Variants in KMT2C observed in about 807,000 individuals in gnomAD.
KMT2C encodes histone-lysine N-methyltransferase 2C.
A neutral mutation model predicts 507.9 loss-of-function variants in KMT2C; 88 were observed. That is an observed-to-expected ratio of 0.17 (90% CI 0.15 to 0.21). The LOEUF (loss-of-function observed/expected upper bound fraction) is 0.21. Among genes scored for constraint, KMT2C ranks in the 10% least tolerant of loss-of-function variants. The pLI is 1.00. For missense variants in KMT2C, 4,954 were observed against 5,957.8 expected (o/e 0.83, Z 5.55); for synonymous variants, 2,049 against 2,080.8 (o/e 0.98, Z 0.42).
At chr7:152,387,884 C>T (rs1368293931) in intron 1 of KMT2C, among the ~76,000 whole-genome samples, 9 of 151,932 alleles carry the variant, frequency 5.9e-5, no homozygotes, top group Non-Finnish European at 1.5e-5. Context: ...AAAAAAGCTT[C>T]CAGTGATAAC....
chr7:152,155,560 A>G (rs1389600547), intron 46 of KMT2C, among the ~76,000 whole-genome samples: 11 of 152,202 alleles, frequency 7.2e-5, no homozygotes, highest in Non-Finnish European at 1.6e-4. Context: ...TAAACCCAAT[A>G]AATCACATTA....
chr7:152,168,994 G>A (rs2129107156), intron 41 of KMT2C, among the ~76,000 whole-genome samples, 192 bp downstream of exon 41: 1 of 152,300 alleles, frequency 6.6e-6, no homozygotes, highest in Middle Eastern at 3.4e-3. Context: ...AATTCTTCAT[G>A]CACAGTGAAA....
chr7:152,334,224 G>A (rs922480465), intron 2 of KMT2C, among the ~76,000 whole-genome samples: 1 of 152,330 alleles, frequency 6.6e-6, no homozygotes, highest in East Asian at 1.9e-4. Context: ...GGGAGGCCAA[G>A]GCAGGCAGAT....
At chr7:152,410,096 CA>C (rs1334416148) in intron 1 of KMT2C, among the ~76,000 whole-genome samples, 1 of 152,200 alleles carries the variant, frequency 6.6e-6, no homozygotes, top group Non-Finnish European at 1.5e-5. Context: ...TCCCTGTTTA[CA>C]AACCTAGTTC....
chr7:152,306,005 T>C (rs936949701), intron 6 of KMT2C, among the ~76,000 whole-genome samples: 2 of 152,192 alleles, frequency 1.3e-5, no homozygotes, highest in African/African-American at 4.8e-5. Context: ...TCAAATTAAC[T>C]CATACATATG....
At chr7:152,161,990 T>A in intron 43 of KMT2C, 127 bp downstream of exon 43, 1 of 1,106,618 alleles carries the variant, frequency 9.0e-7, no homozygotes, top group African/African-American at 1.6e-5. Context: ...AATGACAAAA[T>A]AAAAAATGGT....
At chr7:152,364,545 A>C (rs2097221970) in intron 1 of KMT2C, among the ~76,000 whole-genome samples, 2 of 150,936 alleles carry the variant, frequency 1.3e-5, no homozygotes, top group African/African-American at 4.9e-5. Flanking sequence ...GGAGGTGGAG[A>C]CTGCAGTGAG....
At chr7:152,231,811 TG>T in intron 16 of KMT2C, among the ~76,000 whole-genome samples, 1 of 148,808 alleles carries the variant, frequency 6.7e-6, no homozygotes, top group Admixed American at 6.7e-5. Context: ...GAAGTTTGGT[TG>T]GTTAACTAAA....
At chr7:152,197,933 GAAA>G (rs893836001) in intron 27 of KMT2C, among the ~76,000 whole-genome samples, 1 of 144,162 alleles carries the variant, frequency 6.9e-6, no homozygotes, top group Non-Finnish European at 1.5e-5. Flanking sequence ...AATAAATAAA[GAAA>G]AAAAAAAACT....
intron 31 of KMT2C, among the ~76,000 whole-genome samples, chr7:152,191,912 C>T (rs1015210986): frequency 2.0e-5 from 3 of 152,074 alleles, no homozygotes; most frequent in Non-Finnish European, 2.9e-5. Flanking sequence ...CAAGGCTGTA[C>T]TTGAATTATA....
chr7:152,261,386 A>G (rs2095772840), intron 9 of KMT2C, among the ~76,000 whole-genome samples: 1 of 152,194 alleles, frequency 6.6e-6, no homozygotes, highest in African/African-American at 2.4e-5. Flanking sequence ...ATAGTGGTCA[A>G]TTGTAACAAC....
At chr7:152,289,582 A>G (rs575845474) in intron 6 of KMT2C, among the ~76,000 whole-genome samples, 1 of 152,346 alleles carries the variant, frequency 6.6e-6, no homozygotes, top group South Asian at 2.1e-4. Context: ...TGATTATCTA[A>G]CATATTTCTT....
At chr7:152,307,199 AAG>A (rs2096623734) in intron 6 of KMT2C, among the ~76,000 whole-genome samples, 3 of 20,702 alleles carry the variant, frequency 1.4e-4, no homozygotes, top group Non-Finnish European at 2.2e-4. Flanking sequence ...AAGAGGGAGG[AAG>A]GAAGGAAGGA....
chr7:152,284,232 T>C (rs189813046), intron 6 of KMT2C, among the ~76,000 whole-genome samples: 1,797 of 152,192 alleles, frequency 0.012, 41 homozygotes, highest in African/African-American at 0.042. Flanking sequence ...AAAAAAATCT[T>C]TATGTTTGGT....
intron 1 of KMT2C, among the ~76,000 whole-genome samples, chr7:152,416,940 T>G (rs1338320148): frequency 1.3e-5 from 2 of 149,678 alleles, no homozygotes; most frequent in African/African-American, 4.9e-5. Context: ...TCCCAGCTAT[T>G]CAGGGCGCTG....
intron 1 of KMT2C, among the ~76,000 whole-genome samples, chr7:152,361,555 C>G (rs1338215252): frequency 1.3e-5 from 2 of 151,428 alleles, no homozygotes; most frequent in Non-Finnish European, 2.9e-5. Context: ...AAGAGAGAAA[C>G]TCCGTCTCAA....
rs2093465541 is a variant in KMT2C at position 152,182,478 on chromosome 7, C to T, written c.5382G>A (p.Leu1794=). Residue 1794 remains leucine (L), a synonymous_variant, in exon 36 of 59, where the codon CTG becomes CTA. Transcript: ENST00000262189. ...TTGGTGTATCTGAACCAGACTGCAC[C>T]AGAAGATGCTGAGAACCAAATTGCT... ...QQQQFGSQHL[L]VQSGSDTPSS... is the part of the protein sequence containing the mutation. 1 of 1,614,064 alleles carries T rather than the reference C, an allele frequency of 6.2e-7. No homozygotes were observed. The highest frequency in any genetic ancestry group is 8.5e-7 in the Non-Finnish European group (1 of 1,179,978).
intron 14 of KMT2C, among the ~76,000 whole-genome samples, chr7:152,241,054 G>T (rs1213679062): frequency 6.6e-6 from 1 of 152,128 alleles, no homozygotes; most frequent in Non-Finnish European, 1.5e-5. Context: ...TAACCTTGTG[G>T]CATTTGTCTC....
At chr7:152,315,742 C>T (rs1365974101) in intron 3 of KMT2C, among the ~76,000 whole-genome samples, 4 of 152,092 alleles carry the variant, frequency 2.6e-5, no homozygotes, top group Non-Finnish European at 5.9e-5. Context: ...CGTGGTGAAA[C>T]CCCATCTCTA....
Sources: gnomAD v4.1 joint callset for allele counts (sites outside exome capture counted in the v4.1 genomes callset) on GRCh38, gnomAD v4.1.1 for gene constraint, MANE v1.5 for transcripts, NCBI Gene and HGNC (gene_info 2026-07-23, HGNC 2026-07-21) for gene names.